NUBPL: variants seen among roughly 807,000 people sequenced by gnomAD.
NUBPL encodes NUBP iron-sulfur cluster assembly factor, mitochondrial.
Under a neutral mutation model 45.7 loss-of-function variants are expected in NUBPL, and 31 were observed. The ratio of observed to expected loss-of-function variants is 0.68; its 90% CI spans 0.51 to 0.92. The LOEUF (loss-of-function observed/expected upper bound fraction) is 0.92. NUBPL is among the 40% of genes least tolerant of loss of function. NUBPL has a pLI of 0.00. For synonymous variants in NUBPL, 144 were observed against 140.9 expected (o/e 1.02, Z -0.15); for missense variants, 401 against 398.7 (o/e 1.01, Z -0.05).
At chr14:31,643,290 G>A (rs1241150515) in intron 4 of NUBPL, among the ~76,000 whole-genome samples, 1 of 151,950 alleles carries the variant, frequency 6.6e-6, no homozygotes, top group East Asian at 1.9e-4. Context: ...TTAGCTGTGG[G>A]TTATACGGCC....
chr14:31,625,854 G>A (rs1459231163), intron 4 of NUBPL, among the ~76,000 whole-genome samples: 1 of 152,120 alleles, frequency 6.6e-6, no homozygotes, highest in Non-Finnish European at 1.5e-5. Context: ...AAATAGTAGG[G>A]AATGAACAGA....
chr14:31,653,878 A>G (rs1442720478), intron 4 of NUBPL, among the ~76,000 whole-genome samples: 1 of 152,188 alleles, frequency 6.6e-6, no homozygotes, highest in Non-Finnish European at 1.5e-5. Flanking sequence ...TGTCCATGAA[A>G]TCTTCACAAT....
chr14:31,834,183 T>TTGCC (rs1304505619), intron 8 of NUBPL, among the ~76,000 whole-genome samples: 3 of 143,056 alleles, frequency 2.1e-5, no homozygotes, highest in African/African-American at 7.9e-5. Flanking sequence ...TGGAACTTTT[T>TTGCC]TTTTTTTTTT....
intron 7 of NUBPL, among the ~76,000 whole-genome samples, chr14:31,823,038 G>T (rs1379042922): frequency 6.6e-6 from 1 of 151,822 alleles, no homozygotes; most frequent in African/African-American, 2.4e-5. Flanking sequence ...GTTAAATAGG[G>T]CCTATGGAAA....
At chr14:31,699,165 T>C (rs1334419512) in intron 6 of NUBPL, among the ~76,000 whole-genome samples, 1 of 152,208 alleles carries the variant, frequency 6.6e-6, no homozygotes, top group Non-Finnish European at 1.5e-5. Flanking sequence ...CATAATGACT[T>C]AAATATCTTT....
chr14:31,844,979 A>G (rs1463733159), intron 8 of NUBPL: 1 of 152,170 alleles, frequency 6.6e-6, no homozygotes, highest in African/African-American at 2.4e-5. Flanking sequence ...CTTAAGTATC[A>G]TCTTCCCTCA....
intron 7 of NUBPL, among the ~76,000 whole-genome samples, chr14:31,813,943 A>C (rs923471072): frequency 6.6e-6 from 1 of 152,202 alleles, no homozygotes; most frequent in Non-Finnish European, 1.5e-5. Flanking sequence ...ATTGATGGGC[A>C]TTTCGGTTGG....
At chr14:31,794,979 TA>T (rs2039455539) in intron 7 of NUBPL, among the ~76,000 whole-genome samples, 1 of 135,424 alleles carries the variant, frequency 7.4e-6, no homozygotes. Flanking sequence ...CACCATTTAT[TA>T]AATAGGGAAT....
chr14:31,827,016 TTAGA>T (rs979236548), intron 8 of NUBPL, among the ~76,000 whole-genome samples: 6 of 152,278 alleles, frequency 3.9e-5, no homozygotes, highest in South Asian at 4.1e-4. Flanking sequence ...AGGAAATTAT[TTAGA>T]TAGATAGGCT....
intron 2 of NUBPL, among the ~76,000 whole-genome samples, chr14:31,563,923 CA>C (rs1452682444): frequency 6.6e-6 from 1 of 152,186 alleles, no homozygotes; most frequent in East Asian, 1.9e-4. Context: ...ATCCTGATCA[CA>C]GTTATGAAGT....
intron 7 of NUBPL, among the ~76,000 whole-genome samples, chr14:31,804,900 A>G (rs1285082724): frequency 6.6e-6 from 1 of 152,188 alleles, no homozygotes; most frequent in Non-Finnish European, 1.5e-5. Flanking sequence ...AAAGATGCTA[A>G]CAGCAATCAC....
intron 10 of NUBPL, 102 bp downstream of exon 10, chr14:31,850,303 T>C (rs1286306960): frequency 2.3e-6 from 2 of 854,832 alleles, no homozygotes; most frequent in Admixed American, 4.0e-5. Context: ...GCAGTGCATA[T>C]ATATTTAAAC....
intron 4 of NUBPL, among the ~76,000 whole-genome samples, chr14:31,653,538 G>A (rs12895305): frequency 0.3 from 44,913 of 152,036 alleles, 7,498 homozygotes; most frequent in South Asian, 0.41. Context: ...TATTCTGCCC[G>A]ACCCCGCAGG....
At chr14:31,645,785 C>CA (rs1555323286) in intron 4 of NUBPL, among the ~76,000 whole-genome samples, 49 of 134,788 alleles carry the variant, frequency 3.6e-4, no homozygotes, top group Non-Finnish European at 6.4e-4. Flanking sequence ...CCCCCCCCCC[C>CA]ACATTTTGAC....
At chr14:31,676,511 A>G (rs752181813) in intron 6 of NUBPL, among the ~76,000 whole-genome samples, 1 of 151,934 alleles carries the variant, frequency 6.6e-6, no homozygotes, top group South Asian at 2.1e-4. Flanking sequence ...GCTATTGTGA[A>G]TAATACCTCT....
intron 6 of NUBPL, among the ~76,000 whole-genome samples, chr14:31,712,930 G>T (rs2037609987): frequency 1.3e-5 from 2 of 152,132 alleles, no homozygotes; most frequent in South Asian, 4.1e-4. Flanking sequence ...GTAAGGAAGA[G>T]GAACTGGTTA....
At chr14:31,608,055 G>A (rs2034649762) in intron 4 of NUBPL, among the ~76,000 whole-genome samples, 1 of 152,150 alleles carries the variant, frequency 6.6e-6, no homozygotes, top group South Asian at 2.1e-4. Context: ...ACTTTTCAGT[G>A]GAAACCTTAC....
intron 8 of NUBPL, among the ~76,000 whole-genome samples, chr14:31,841,917 CT>C (rs547795007): frequency 0.011 from 477 of 43,054 alleles, 60 homozygotes; most frequent in African/African-American, 0.039. Context: ...CGATTCTGGG[CT>C]TTTTTTTTTT....
In NUBPL at chr14:31,850,282, C is replaced by T. The variant is rs8009002; in HGVS notation, c.897+81C>T. 0.17 allele frequency: 184,571 copies of T among 1,097,756 alleles called. 22,198 individuals carry two copies. The highest frequency in any genetic ancestry group is 0.56 in the African/African-American group (36,370 of 64,378). The allele number at this position is 1,097,756 out of a possible 1,614,324, so 68.0% of individuals were successfully genotyped here. On this transcript the variant is annotated intron_variant, in intron 10 of 10. Coordinates refer to ENST00000281081, the MANE Select transcript of NUBPL (RefSeq NM_025152.3). ...CAGAAAGAAAGTTGGGAAGATTAAG[C>T]GTTTATATTTGCAGTGCATATATAT...
Sources: gnomAD v4.1 joint callset for allele counts (sites outside exome capture counted in the v4.1 genomes callset) on GRCh38, gnomAD v4.1.1 for gene constraint, MANE v1.5 for transcripts, NCBI Gene and HGNC (gene_info 2026-07-23, HGNC 2026-07-21) for gene names.